Variants in PAN2 observed in about 807,000 individuals in gnomAD.
The protein encoded by PAN2 is poly(A) specific ribonuclease subunit PAN2, also known as PAN2-PAN3 deadenylation complex catalytic subunit PAN2.
In PAN2, 68 loss-of-function variants were observed where a neutral mutation model predicts 133.3. The ratio of observed to expected loss-of-function variants is 0.51; its 90% CI spans 0.42 to 0.62. The LOEUF (loss-of-function observed/expected upper bound fraction) is 0.62, where lower values mean the gene tolerates loss of function less well. Ranked by LOEUF, PAN2 falls within the 20% of genes least tolerant of loss-of-function variation. The pLI, the probability that PAN2 is intolerant of heterozygous loss-of-function variation, is 0.00. For missense variants in PAN2, 1,042 were observed against 1,500.5 expected, an observed-to-expected ratio of 0.69 and a Z score of 5.05; for synonymous variants, 462 against 544.6, an observed-to-expected ratio of 0.85 and a Z score of 2.11.
Position 56,325,440 on chromosome 12 carries a change from G to C in PAN2, c.1374C>G (p.Leu458=). 1 of 1,614,194 alleles carries C rather than the reference G, an allele frequency of 6.2e-7. No homozygotes were observed. Reference sequence around the variant, plus strand: ...TGTCAAATTCACTGTCTGACTCCTTGAGTCTGTAGGGTATCTAGGGATTTT... The same window carrying C: ...TGTCAAATTCACTGTCTGACTCCTTCAGTCTGTAGGGTATCTAGGGATTTT... ...TRLRNQIPYR[L]KESDSEFDSF... is the part of the protein sequence containing the mutation. Residue 458 remains leucine (L), a synonymous_variant, in exon 9 of 26, where the codon CTC becomes CTG. Transcript: ENST00000440411.
chr12:56,324,003 T>C (rs760963870), intron 13 of PAN2, 46 bp downstream of exon 13: 7 of 1,612,722 alleles, frequency 4.3e-6, no homozygotes, highest in Non-Finnish European at 5.9e-6. Flanking sequence ...CAGGACATTT[T>C]GGGGAGCCTT....
At position 56,317,642 on chromosome 12, in the gene PAN2, A is replaced by G. The variant is rs758633498; in HGVS notation, c.3564T>C (p.Asn1188=). ...CCAGCACTGAGGAGAAGACAGCTGCATCTGTCAGAGACAAAACCAAAAGCA... is the reference window on the plus strand; with the variant it reads ...CCAGCACTGAGGAGAAGACAGCTGCGTCTGTCAGAGACAAAACCAAAAGCA... ...PEPEGQTSPK[N]AAVFSSVLAL is the part of the protein sequence containing the mutation. Residue 1188 remains asparagine (N), a splice_region_variant and synonymous_variant, in exon 26 of 26, where the codon AAT becomes AAC. Transcript: ENST00000440411. 21 of 1,613,754 alleles carry G rather than the reference A, an allele frequency of 1.3e-5. No individual in the cohort carries two copies. Among genetic ancestry groups the G allele is most frequent in the Non-Finnish European group, 1.8e-5 (21 of 1,179,736 alleles).
At chr12:56,323,743 T>C in intron 14 of PAN2, 64 bp downstream of exon 14, 1 of 1,446,340 alleles carries the variant, frequency 6.9e-7, no homozygotes, top group Non-Finnish European at 9.7e-7. Context: ...CAGCCCCACA[T>C]GGGATAGTGG....
intron 2 of PAN2, among the ~76,000 whole-genome samples, chr12:56,330,606 G>A (rs1035535873): frequency 2.0e-5 from 3 of 151,572 alleles, no homozygotes; most frequent in Admixed American, 2.0e-4. Flanking sequence ...TGATCCGCCC[G>A]CCTCGGCCTC....
At chr12:56,324,260 G>T in intron 12 of PAN2, 34 bp downstream of exon 12, 1 of 1,611,576 alleles carries the variant, frequency 6.2e-7, no homozygotes, top group Non-Finnish European at 8.5e-7. Flanking sequence ...GGCCTGTCAT[G>T]ATGGCTTTAA....
intron 12 of PAN2, 45 bp downstream of exon 12, chr12:56,324,249 G>A (rs1383177516): frequency 1.2e-6 from 2 of 1,610,414 alleles, no homozygotes; most frequent in Non-Finnish European, 1.7e-6. Context: ...AATCACAGAG[G>A]GGCCTGTCAT....
chr12:56,328,787 A>AC, intron 2 of PAN2, 146 bp from the exon 3 acceptor site: 1 of 611,996 alleles, frequency 1.6e-6, no homozygotes, highest in South Asian at 2.0e-5. Flanking sequence ...AAGGCTAGGA[A>AC]CCAGTCAATC....
At position 56,333,039 on chromosome 12, in the gene PAN2, G is replaced by C. The variant is rs751022009; in HGVS notation, c.56C>G (p.Ser19Cys). ...GLAEYAPAMH[S>C]ALDPVLDAHL... ...GGCATCCAAGACAGGGTCCAGGGCA[G>C]AATGCATGGCTGGGGCATATTCTGC... Residue 19 changes from serine (S) to cysteine (C), a missense_variant, in exon 2 of 26, where the codon TCT becomes TGT. This residue lies in a region of PAN2 where 908 missense variants were observed against 1,223.5 expected (regional missense o/e 0.74). Transcript: ENST00000440411. 1 of 1,614,196 alleles carries C rather than the reference G, an allele frequency of 6.2e-7. No homozygotes were observed. Among genetic ancestry groups the C allele is most frequent in the Non-Finnish European group, 8.5e-7 (1 of 1,180,024 alleles).
In PAN2 at chr12:56,323,353, C is replaced by T. The variant is rs202247521; in HGVS notation, c.2303G>A (p.Gly768Asp). The T allele has an allele frequency of 5.1e-5, 83 of 1,613,740 alleles. No homozygotes were observed. The highest frequency in any genetic ancestry group is 1.6e-4 in the Middle Eastern group (1 of 6,084). Reference protein sequence around the residue: ...VAFKMAVKKHGGEISKNKEFA... With the variant: ...VAFKMAVKKHDGEISKNKEFA... ...TTCCTTGTTCTTGGAGATTTCCCCA[C>T]CGTGTTTCTTTACTGCCATCTTGAA... The change falls in exon 16 of 26, where the codon GGT (glycine) becomes GAT (aspartate). Residue 768 changes from glycine to aspartate, a missense_variant. By Grantham distance (94) the Gly-to-Asp change is moderately conservative. Transcript: ENST00000440411.
rs779105934 is a variant in PAN2, at chr12:56,326,286, G to A, written c.1359+27C>T. The A allele has an allele frequency of 1.2e-5, 19 of 1,551,716 alleles. No homozygotes were observed. The East Asian group carries it at 1.4e-4, about 11-fold the overall frequency. ...GGAGAAACTTCAGTGGGCCGGGGTCGGGGCTGACCCTCCACTCTGAACACA... is the reference window on the plus strand; with the variant it reads ...GGAGAAACTTCAGTGGGCCGGGGTCAGGGCTGACCCTCCACTCTGAACACA... On this transcript the variant is annotated intron_variant, in intron 8 of 25. Transcript: ENST00000440411.
At position 56,324,604 on chromosome 12, in the gene PAN2, G is replaced by A. The variant is rs756792107; in HGVS notation, c.1705C>T (p.Leu569Phe). ...ELGFLFHMLD[L>F]SRGDPCQGNN... ...ACCTGGCAAGGGTCACCACGAGAGA[G>A]GTCCAACATGTGAAACAGGAAGCCC... The change falls in exon 11 of 26, where the codon CTC becomes TTC. Residue 569 changes from leucine (L) to phenylalanine (F), a missense_variant. Leu to Phe is a conservative substitution (Grantham distance 22, BLOSUM62 0). Transcript: ENST00000440411. 21 of 1,613,922 alleles carry A rather than the reference G, an allele frequency of 1.3e-5. No individual in the cohort carries two copies. In the Admixed American group the frequency reaches 3.0e-4, roughly 23 times the overall value.
chr12:56,327,461 C>T lies in PAN2; in HGVS notation c.822G>A (p.Met274Ile), dbSNP rs773284717. Reference protein sequence around the residue: ...DRFLKVYDLRMMRAITPLQVH... With the variant: ...DRFLKVYDLRIMRAITPLQVH... Reference sequence around the variant, plus strand: ...CTTGAAGTGGTGTGATGGCACGCATCATGCGCAAATCATACACCTTGAGGA... The same window carrying T: ...CTTGAAGTGGTGTGATGGCACGCATTATGCGCAAATCATACACCTTGAGGA... Residue 274 changes from methionine (M) to isoleucine (I), a missense_variant, in exon 6 of 26, where the codon ATG (methionine) becomes ATA (isoleucine). By Grantham distance (10) the Met-to-Ile change is conservative. Transcript: ENST00000440411. 6.2e-7 allele frequency: 1 copy of T among 1,614,224 alleles called. No individual in the cohort carries two copies.
chr12:56,319,567 G>C lies in PAN2; in HGVS notation c.3090+54C>G, dbSNP rs1203487359. 1 of 1,588,586 alleles carries C rather than the reference G, an allele frequency of 6.3e-7. No individual in the cohort carries two copies. Among genetic ancestry groups the C allele is most frequent in the Non-Finnish European group, 8.6e-7 (1 of 1,166,996 alleles). On this transcript the variant is annotated intron_variant, in intron 22 of 25. Coordinates refer to ENST00000440411, the MANE Select transcript of PAN2 (RefSeq NM_014871.6). The surrounding 1 kb of genome is among the most constrained non-coding windows in gnomAD (Gnocchi z 5.4). ...CTATCACTCTTCCCTGGGTTCTTGA[G>C]CACTGTAAGTAAGCACCAGGGTGTG... is the stretch of plus-strand genomic sequence containing the variant.
chr12:56,320,220 T>C (rs1438748491), intron 20 of PAN2, among the ~76,000 whole-genome samples, 199 bp from the exon 21 acceptor site: 1 of 151,982 alleles, frequency 6.6e-6, no homozygotes. Flanking sequence ...ACAAACATGC[T>C]GAGAAAAAAC....
rs1874833266 is a variant in PAN2, at chr12:56,323,877, A to G, written c.2102T>C (p.Leu701Pro). The G allele has an allele frequency of 5.0e-6, 8 of 1,614,044 alleles. No homozygotes were observed. Among genetic ancestry groups the G allele is most frequent in the Non-Finnish European group, 6.8e-6 (8 of 1,179,974 alleles). Reference protein sequence around the residue: ...TGKNYDFAQVLKRSICLDQNT... With the variant: ...TGKNYDFAQVPKRSICLDQNT... Reference sequence around the variant, plus strand: ...CTGGTCCAGGCAGATGCTTCGCTTCAGCACCTGAGCAAAGTCATAGTTCTT... The same window carrying G: ...CTGGTCCAGGCAGATGCTTCGCTTCGGCACCTGAGCAAAGTCATAGTTCTT... The change falls in exon 14 of 26, where the codon CTG becomes CCG. Residue 701 changes from leucine (L) to proline (P), a missense_variant. This residue lies in a region of PAN2 where 908 missense variants were observed against 1,223.5 expected (regional missense o/e 0.74). Coordinates refer to ENST00000440411, the MANE Select transcript of PAN2 (RefSeq NM_014871.6).
intron 20 of PAN2, among the ~76,000 whole-genome samples, chr12:56,321,058 C>G (rs1170286153): frequency 7.0e-6 from 1 of 143,132 alleles, no homozygotes; most frequent in Non-Finnish European, 1.5e-5. Flanking sequence ...GAGTGAAACT[C>G]TGTCCAAAAA....
intron 24 of PAN2, chr12:56,318,672 T>C (rs1874170182): frequency 1.4e-5 from 7 of 501,596 alleles, no homozygotes; most frequent in Non-Finnish European, 2.4e-5. Context: ...TTTCCTACTT[T>C]TTCTTTTCCC....
At position 56,328,634 on chromosome 12, in the gene PAN2, G is replaced by A; in HGVS notation, c.290C>T (p.Ala97Val). 6.2e-7 allele frequency: 1 copy of A among 1,613,928 alleles called. No individual in the cohort carries two copies. The highest frequency in any genetic ancestry group is 8.5e-7 in the Non-Finnish European group (1 of 1,179,868). The change falls in exon 3 of 26, where the codon GCC (alanine) becomes GTC (valine). Residue 97 changes from alanine to valine, a missense_variant. Transcript: ENST00000440411. ...CAAGGCTGGGCCAAAAAATGAAGTG[G>A]CATGGCCCTATAGAGGACAAAGACA... ...MLWVGSHGGH[A>V]TSFFGPALER...
chr12:56,331,922 C>T (rs951194124), intron 2 of PAN2, among the ~76,000 whole-genome samples: 4 of 152,004 alleles, frequency 2.6e-5, no homozygotes, highest in African/African-American at 9.7e-5. Context: ...ACCATGTTAG[C>T]CAGGATGGTC....
Sources: gnomAD v4.1 joint callset for allele counts (sites outside exome capture counted in the v4.1 genomes callset) on GRCh38, gnomAD v4.1.1 for gene constraint, gnomAD v4.1.1 regional missense constraint, Gnocchi (gnomAD v3.1) non-coding constraint, MANE v1.5 for transcripts, NCBI Gene and HGNC (gene_info 2026-07-23, HGNC 2026-07-21) for gene names.